CADPS: variants seen among roughly 807,000 people sequenced by gnomAD.
CADPS encodes the protein calcium dependent secretion activator, also known as calcium-dependent secretion activator 1.
In CADPS, 57 loss-of-function variants were observed where a neutral mutation model predicts 167.3. The ratio of observed to expected loss-of-function variants is 0.34; its 90% confidence interval spans 0.28 to 0.42. The LOEUF (loss-of-function observed/expected upper bound fraction) is 0.42. Ranked by LOEUF, CADPS falls within the 20% of genes least tolerant of loss-of-function variation. CADPS has a pLI of 1.00. For synonymous variants in CADPS, 676 were observed against 635.3 expected (o/e 1.06, Z -0.96); for missense variants, 1,414 against 1,738.1 (o/e 0.81, Z 3.32).
chr3:62,589,002 G>T lies in CADPS; in HGVS notation c.1437+3635C>A, dbSNP rs12489471. Among the ~76,000 whole-genome samples the T allele has an allele frequency of 4.6e-5, 7 of 152,060 alleles. No homozygotes were observed. The East Asian group carries it at 5.8e-4, about 13-fold the overall frequency. ...ATCTTTCTCTGGGAAGGGATACGAG[G>T]GTGAGATAGAAGAGAAAAATTAATT... On this transcript the variant is annotated intron_variant, in intron 7 of 29. Coordinates refer to ENST00000383710, the MANE Select transcript of CADPS (RefSeq NM_003716.4).
At chr3:62,671,794 G>A (rs189794077) in intron 3 of CADPS, among the ~76,000 whole-genome samples, 6 of 152,144 alleles carry the variant, frequency 3.9e-5, no homozygotes, top group Admixed American at 3.9e-4. Context: ...ACAGAGTCTT[G>A]CTCTGTCGCC....
intron 3 of CADPS, among the ~76,000 whole-genome samples, chr3:62,748,385 AC>A (rs1364387776): frequency 2.0e-5 from 3 of 146,848 alleles, no homozygotes; most frequent in African/African-American, 7.4e-5. Flanking sequence ...TAAGATGTAG[AC>A]CTTACTCCTT....
intron 10 of CADPS, among the ~76,000 whole-genome samples, chr3:62,556,536 G>A (rs770522864): frequency 2.6e-5 from 4 of 152,172 alleles, no homozygotes; most frequent in Admixed American, 1.3e-4. Flanking sequence ...AGTATGGTTG[G>A]AAATGCTTTC....
intron 1 of CADPS, among the ~76,000 whole-genome samples, chr3:62,832,346 G>C (rs1260625576): frequency 6.6e-6 from 1 of 152,224 alleles, no homozygotes; most frequent in African/African-American, 2.4e-5. Flanking sequence ...GTGGCATTAT[G>C]ATCTCAGAGG....
intron 3 of CADPS, among the ~76,000 whole-genome samples, chr3:62,669,471 G>A (rs2075126551): frequency 6.6e-6 from 1 of 152,204 alleles, no homozygotes; most frequent in African/African-American, 2.4e-5. Flanking sequence ...GGTTTGAACT[G>A]TGGCTGTTTT....
At position 62,662,414 on chromosome 3, in the gene CADPS, T is replaced by G; in HGVS notation, c.889-20A>C. 1.9e-6 allele frequency: 3 copies of G among 1,612,010 alleles called. No homozygotes were observed. Among genetic ancestry groups the G allele is most frequent in the Non-Finnish European group, 2.5e-6 (3 of 1,178,250 alleles). ...GTCCAGCTGCACAAAAGCACAGACATTGAGACTTTTAGTTTGGGTCACAAG... is the reference window on the plus strand; with the variant it reads ...GTCCAGCTGCACAAAAGCACAGACAGTGAGACTTTTAGTTTGGGTCACAAG... On this transcript the variant is annotated intron_variant, in intron 3 of 29. Transcript: ENST00000383710.
intron 3 of CADPS, among the ~76,000 whole-genome samples, chr3:62,714,470 A>G (rs1332937951): frequency 1.3e-5 from 2 of 152,156 alleles, no homozygotes; most frequent in African/African-American, 4.8e-5. Context: ...GGGAAAGCCA[A>G]TTACCACACG....
At chr3:62,489,322 A>G (rs1255681737) in intron 21 of CADPS, among the ~76,000 whole-genome samples, 4 of 152,138 alleles carry the variant, frequency 2.6e-5, no homozygotes, top group South Asian at 4.2e-4. Flanking sequence ...CACCACGCCC[A>G]GCTAATTTTT....
At chr3:62,620,444 A>G (rs1397803556) in intron 6 of CADPS, among the ~76,000 whole-genome samples, 2 of 152,188 alleles carry the variant, frequency 1.3e-5, no homozygotes, top group Non-Finnish European at 2.9e-5. Flanking sequence ...AATGAAAACA[A>G]TAACAATTAT....
intron 28 of CADPS, among the ~76,000 whole-genome samples, chr3:62,431,707 T>C (rs1180149806): frequency 6.6e-6 from 1 of 152,042 alleles, no homozygotes; most frequent in African/African-American, 2.4e-5. Flanking sequence ...CATCAAATCC[T>C]GGTTTGCACA....
intron 6 of CADPS, among the ~76,000 whole-genome samples, chr3:62,617,078 G>A (rs1257679195): frequency 6.6e-6 from 1 of 152,076 alleles, no homozygotes; most frequent in Non-Finnish European, 1.5e-5. Context: ...GTTAAATATT[G>A]GAGTGCTGCA....
intron 3 of CADPS, among the ~76,000 whole-genome samples, chr3:62,697,215 G>A (rs764523582): frequency 1.1e-4 from 17 of 151,970 alleles, no homozygotes; most frequent in African/African-American, 3.9e-4. Flanking sequence ...CCCTTCAGCC[G>A]AGTAGTATAC....
chr3:62,712,371 T>A (rs939505912), intron 3 of CADPS, among the ~76,000 whole-genome samples: 2 of 152,224 alleles, frequency 1.3e-5, no homozygotes, highest in Admixed American at 1.3e-4. Flanking sequence ...ATATTGGTAG[T>A]CTTTATTTTA....
Position 62,544,955 on chromosome 3 carries a change from T to C in CADPS, c.1966+4948A>G, listed in dbSNP as rs1204852184. The C allele has an allele frequency of 1.5e-6, 1 of 650,076 alleles. No individual in the cohort carries two copies. 40.3% of individuals were successfully genotyped at this position (650,076 alleles called of 1,614,324 possible). Reference sequence around the variant, plus strand: ...AGACAGGAGTTCTAACCTAGCAGCCTAAGTTCTTGGGTTCGAGCAAAGATT... The same window carrying C: ...AGACAGGAGTTCTAACCTAGCAGCCCAAGTTCTTGGGTTCGAGCAAAGATT... On this transcript the variant is annotated intron_variant, in intron 11 of 29. Transcript: ENST00000383710. The surrounding 1 kb of genome is among the most constrained non-coding windows in gnomAD (Gnocchi z 4.4).
chr3:62,549,139 G>A (rs2152238538), intron 11 of CADPS, among the ~76,000 whole-genome samples: 1 of 152,266 alleles, frequency 6.6e-6, no homozygotes, highest in East Asian at 1.9e-4. Flanking sequence ...TCAGGGTAAA[G>A]CAAAAGACTC....
At chr3:62,732,924 C>G (rs1160122413) in intron 3 of CADPS, among the ~76,000 whole-genome samples, 1 of 152,216 alleles carries the variant, frequency 6.6e-6, no homozygotes, top group Non-Finnish European at 1.5e-5. Flanking sequence ...ACATTCTGCT[C>G]TGTTCAGTTG....
At chr3:62,570,238 TAA>T (rs34173907) in intron 9 of CADPS, among the ~76,000 whole-genome samples, 10 of 143,902 alleles carry the variant, frequency 6.9e-5, no homozygotes, top group Admixed American at 1.4e-4. Flanking sequence ...TTGTTTCAGT[TAA>T]AAAAAAAAAA....
At chr3:62,819,400 CTGTGTGCGTGTGTGTGTGTG>C (rs2094784203) in intron 1 of CADPS, among the ~76,000 whole-genome samples, 1 of 128,616 alleles carries the variant, frequency 7.8e-6, no homozygotes, top group East Asian at 2.4e-4. Flanking sequence ...CAATGACAAT[CTGTGTGCGTGTGTGTGTGTG>C]TGTGTGTGTG....
chr3:62,477,157 TCTG>T (rs2061424582), intron 23 of CADPS, among the ~76,000 whole-genome samples: 1 of 152,164 alleles, frequency 6.6e-6, no homozygotes, highest in Admixed American at 6.5e-5. Context: ...GCTTTCCAGT[TCTG>T]ATGATATTAC....
Sources: allele counts gnomAD v4.1 joint callset (sites outside exome capture counted in the v4.1 genomes callset), GRCh38; gene constraint gnomAD v4.1.1; non-coding constraint Gnocchi (gnomAD v3.1); transcripts MANE v1.5; gene names NCBI Gene and HGNC (gene_info 2026-07-23, HGNC 2026-07-21).